ITGA2: variants seen among roughly 807,000 people sequenced by gnomAD.
The protein encoded by ITGA2 is integrin subunit alpha 2.
In ITGA2, 101 loss-of-function variants were observed where a neutral mutation model predicts 146.3. The ratio of observed to expected loss-of-function variants is 0.69; its 90% CI spans 0.59 to 0.81. ITGA2 has a LOEUF of 0.81. Ranked by LOEUF, ITGA2 falls within the 40% of genes least tolerant of loss-of-function variation. The probability of loss-of-function intolerance (pLI) is 0.00; values close to 1 mark genes in which losing one functional copy is unlikely to be tolerated. For synonymous variants in ITGA2, 477 were observed against 487.1 expected, an observed-to-expected ratio of 0.98 and a Z score of 0.27; for missense variants, 1,281 against 1,402.7, an observed-to-expected ratio of 0.91 and a Z score of 1.39.
At chr5:53,027,422 C>T (rs903223811) in intron 2 of ITGA2, among the ~76,000 whole-genome samples, 1 of 152,042 alleles carries the variant, frequency 6.6e-6, no homozygotes, top group Non-Finnish European at 1.5e-5. Context: ...TTGTTTTTGC[C>T]CCAAAGTGCT....
Position 53,048,110 on chromosome 5 carries a change from C to G in ITGA2, c.388-253C>G, listed in dbSNP as rs3212484. Among the ~76,000 whole-genome samples the G allele has an allele frequency of 1.5e-3, 223 of 152,244 alleles. 1 individual carries two copies. Among genetic ancestry groups the G allele is most frequent in the African/African-American group, 5.2e-3 (218 of 41,544 alleles). ...TTGTTGGGAGACCTCATAGGCTCCT[C>G]CCTTCACTGACACCTGCTCCCAACA... On this transcript the variant is annotated intron_variant, in intron 4 of 29. Transcript: ENST00000296585.
chr5:53,002,056 T>C (rs918037831), intron 1 of ITGA2, among the ~76,000 whole-genome samples: 3 of 152,134 alleles, frequency 2.0e-5, no homozygotes, highest in African/African-American at 2.4e-5. Context: ...TAAAAAAATA[T>C]TGATTTTTAA....
In ITGA2 at chr5:53,073,223, T is replaced by C. The variant is rs759414971; in HGVS notation, c.2535T>C (p.Phe845=). The part of the protein sequence containing the change: ...SAYNTGIVVD[F]SENLFFASFS... Reference sequence around the variant, plus strand: ...ACAACACTGGAATTGTTGTTGATTTTTCAGAAAACTTGTTTTTTGCATCAT... The same window carrying C: ...ACAACACTGGAATTGTTGTTGATTTCTCAGAAAACTTGTTTTTTGCATCAT... The change falls in exon 20 of 30, where the codon TTT becomes TTC. Residue 845 remains phenylalanine (F), a synonymous_variant. Coordinates refer to ENST00000296585, the MANE Select transcript of ITGA2 (RefSeq NM_002203.4). 3 of 1,612,558 alleles carry C rather than the reference T, an allele frequency of 1.9e-6. No homozygotes were observed. Among genetic ancestry groups the C allele is most frequent in the Non-Finnish European group, 2.5e-6 (3 of 1,178,940 alleles).
At chr5:53,002,103 C>G (rs1741611524) in intron 1 of ITGA2, among the ~76,000 whole-genome samples, 1 of 151,896 alleles carries the variant, frequency 6.6e-6, no homozygotes, top group Admixed American at 6.6e-5. Context: ...ATTGATGTGG[C>G]ATTTTAACTG....
At chr5:53,024,252 A>G (rs1347487651) in intron 1 of ITGA2, among the ~76,000 whole-genome samples, 1 of 152,246 alleles carries the variant, frequency 6.6e-6, no homozygotes, top group Non-Finnish European at 1.5e-5. Context: ...ATAGGCAGAC[A>G]TAAGCATTAA....
chr5:53,060,623 A>G (rs183396955), intron 11 of ITGA2, among the ~76,000 whole-genome samples: 2 of 151,888 alleles, frequency 1.3e-5, no homozygotes, highest in African/African-American at 4.8e-5. Flanking sequence ...TATTTTTTGA[A>G]TGCCAGGTTC....
At chr5:53,061,740 A>G (rs886694135) in intron 12 of ITGA2, among the ~76,000 whole-genome samples, 3 of 151,876 alleles carry the variant, frequency 2.0e-5, no homozygotes, top group African/African-American at 7.2e-5. Context: ...ACACACATTT[A>G]AAATGAGCAT....
At chr5:53,060,828 T>C (rs1418706941) in intron 11 of ITGA2, 73 bp from the exon 12 acceptor site, 9 of 1,424,268 alleles carry the variant, frequency 6.3e-6, no homozygotes, top group Non-Finnish European at 8.9e-6. Flanking sequence ...TCTGGTCACC[T>C]TTACTCACTT....
In ITGA2 at chr5:53,055,570, G is replaced by A. The variant is rs767485833; in HGVS notation, c.812G>A (p.Arg271Gln). The A allele has an allele frequency of 1.9e-5, 31 of 1,612,972 alleles. No homozygotes were observed. In the African/African-American group the frequency reaches 2.7e-4, roughly 14 times the overall value. Residue 271 changes from arginine to glutamine, a missense_variant, in exon 8 of 30, where the codon CGA becomes CAA. This residue lies in a region of ITGA2 where 795 missense variants were observed against 841.7 expected (regional missense o/e 0.94). Transcript: ENST00000296585. ...KYAYSAASGGRRSATKVMVVV... is the reference protein window; with the variant it reads ...KYAYSAASGGQRSATKVMVVV... ...GCTTATTCAGCAGCTTCTGGTGGGC[G>A]ACGAAGTGCTACGAAAGTAATGGTA...
At chr5:53,047,846 G>C (rs1244481202) in intron 4 of ITGA2, among the ~76,000 whole-genome samples, 1 of 152,212 alleles carries the variant, frequency 6.6e-6, no homozygotes, top group Non-Finnish European at 1.5e-5. Context: ...CAAGAACAAT[G>C]ATAATGATGC....
intron 2 of ITGA2, among the ~76,000 whole-genome samples, chr5:53,038,412 G>A (rs777267023): frequency 2.6e-5 from 4 of 152,092 alleles, no homozygotes; most frequent in Middle Eastern, 3.2e-3. Flanking sequence ...AACATGCCTT[G>A]TTCCTACCTG....
intron 1 of ITGA2, among the ~76,000 whole-genome samples, chr5:53,008,057 A>G (rs1741943285): frequency 6.6e-6 from 1 of 152,072 alleles, no homozygotes; most frequent in African/African-American, 2.4e-5. Flanking sequence ...TTTCTGGTGT[A>G]ATATACTTTC....
At chr5:52,998,430 A>G (rs1337559076) in intron 1 of ITGA2, among the ~76,000 whole-genome samples, 1 of 152,132 alleles carries the variant, frequency 6.6e-6, no homozygotes, top group Non-Finnish European at 1.5e-5. Flanking sequence ...ACTTCAGCCT[A>G]GGTGACAGAG....
At chr5:53,009,347 A>G (rs928185685) in intron 1 of ITGA2, among the ~76,000 whole-genome samples, 9 of 152,148 alleles carry the variant, frequency 5.9e-5, no homozygotes, top group Non-Finnish European at 1.5e-5. Flanking sequence ...GACTGATGGT[A>G]AAAACATGAA....
intron 1 of ITGA2, among the ~76,000 whole-genome samples, 191 bp downstream of exon 1, chr5:52,989,723 G>A (rs1290919649): frequency 1.3e-5 from 2 of 152,112 alleles, no homozygotes; most frequent in African/African-American, 4.8e-5. Context: ...TGCTATCCCA[G>A]GCCTTGCGTC....
At chr5:53,012,013 TA>T (rs546505087) in intron 1 of ITGA2, among the ~76,000 whole-genome samples, 3 of 152,058 alleles carry the variant, frequency 2.0e-5, no homozygotes, top group South Asian at 2.1e-4. Flanking sequence ...GTCATGGTTA[TA>T]AAAAAAATCC....
chr5:53,015,504 T>C (rs2111763248), intron 1 of ITGA2, among the ~76,000 whole-genome samples: 1 of 152,160 alleles, frequency 6.6e-6, no homozygotes, highest in East Asian at 1.9e-4. Context: ...AATTGTTTTA[T>C]GGCTGATTGT....
chr5:53,014,301 T>C (rs949686388), intron 1 of ITGA2, among the ~76,000 whole-genome samples: 2 of 152,156 alleles, frequency 1.3e-5, no homozygotes, highest in Non-Finnish European at 2.9e-5. Flanking sequence ...TGAGGGTATT[T>C]AACTTGAAAG....
At position 53,067,337 on chromosome 5, in the gene ITGA2, G is replaced by T; in HGVS notation, c.2083+80G>T. 3.3e-6 allele frequency: 5 copies of T among 1,514,586 alleles called. No homozygotes were observed. The Admixed American group carries it at 6.8e-5, about 21-fold the overall frequency. 93.8% of individuals were successfully genotyped at this position (1,514,586 alleles called of 1,614,324 possible). On this transcript the variant is annotated intron_variant, in intron 16 of 29. Coordinates refer to ENST00000296585, the MANE Select transcript of ITGA2 (RefSeq NM_002203.4). ...TCCTGAATATAACATATTTTGGTTT[G>T]TAGGCCAAGAGAAATAAGGGTTTTA...
Sources: gnomAD v4.1 joint callset for allele counts (sites outside exome capture counted in the v4.1 genomes callset) on GRCh38, gnomAD v4.1.1 for gene constraint, gnomAD v4.1.1 regional missense constraint, MANE v1.5 for transcripts, NCBI Gene and HGNC (gene_info 2026-07-23, HGNC 2026-07-21) for gene names.